Variants in CGB7 observed in about 807,000 individuals in gnomAD.
CGB7 encodes the protein choriogonadotropin subunit beta 7.
CGB7 carries 6 observed loss-of-function variants against 7.3 expected under a neutral mutation model. The observed-to-expected ratio is 0.82, with a 90% CI of 0.45 to 1.62. The LOEUF is 1.62. CGB7 is among the 40% of genes most tolerant of loss of function. The pLI is 0.01. For synonymous variants in CGB7, 47 were observed against 100.8 expected (o/e 0.47, Z 3.20); for missense variants, 114 against 236.2 (o/e 0.48, Z 3.39).
At position 49,057,597 on chromosome 19, in the gene CGB7, A is replaced by G; in HGVS notation, c.-1484T>C. 8.6e-7 allele frequency: 1 copy of G among 1,162,786 alleles called. No homozygotes were observed. Among genetic ancestry groups the G allele is most frequent in the Non-Finnish European group, 1.1e-6 (1 of 938,092 alleles). 72.0% of individuals were successfully genotyped at this position (1,162,786 alleles called of 1,614,324 possible). On this transcript the variant is annotated 5_prime_UTR_variant, in exon 1 of 5. Transcript: ENST00000684222. ...CTGGAGCTGAGCTGCATCTTGGGCA[A>G]CAACTCCAGGTTACCTCTCCTAACT... is the stretch of plus-strand genomic sequence containing the variant.
chr19:49,057,051 A>G, intron 2 of CGB7, 70 bp downstream of exon 2: 1 of 1,481,722 alleles, frequency 6.7e-7, no homozygotes, highest in Non-Finnish European at 9.1e-7. Flanking sequence ...GAGCCAGCCC[A>G]GGGGCTCGGC....
intron 2 of CGB7, 132 bp downstream of exon 2, chr19:49,056,989 G>A (rs913661970): frequency 1.0e-4 from 100 of 970,706 alleles, no homozygotes; most frequent in Non-Finnish European, 1.5e-4. Context: ...GGTCTGAACT[G>A]TGGTTGTTGC....
chr19:49,055,662 G>A lies in CGB7; in HGVS notation c.-287C>T. On this transcript the variant is annotated 5_prime_UTR_variant, in exon 3 of 5. Transcript: ENST00000684222. ...GTCGAGGCTGGAGGCACAGAGAGTA[G>A]GGTGTAGGAAGGCCTGCCTCTGCCT... The A allele has an allele frequency of 7.3e-7, 1 of 1,378,816 alleles. No homozygotes were observed. Among genetic ancestry groups the A allele is most frequent in the Non-Finnish European group, 9.4e-7 (1 of 1,063,798 alleles). 85.4% of individuals were successfully genotyped at this position (1,378,816 alleles called of 1,614,324 possible). A position where few individuals can be genotyped will look rare whatever the true frequency, so the allele number is the denominator to read the frequency against.
Position 49,055,535 on chromosome 19 carries a change from G to A in CGB7, c.-160C>T, listed in dbSNP as rs112497714. On this transcript the variant is annotated 5_prime_UTR_variant, in exon 3 of 5. Coordinates refer to ENST00000684222, the MANE Select transcript of CGB7 (RefSeq NM_001385261.1). ...CAGGGAGGCACAGGAGTGGCTCAGC[G>A]GAGCACCCCAGTCCTCTCCCCTCAG... The A allele has an allele frequency of 1.7e-5, 26 of 1,571,652 alleles. 1 individual carries two copies. Among genetic ancestry groups the A allele is most frequent in the Admixed American group, 1.2e-4 (7 of 57,120 alleles).
rs1242501133 is a variant in CGB7 at position 49,056,408 on chromosome 19, C to G, written c.-1033G>C. On this transcript the variant is annotated 5_prime_UTR_variant, in exon 3 of 5. Coordinates refer to ENST00000684222, the MANE Select transcript of CGB7 (RefSeq NM_001385261.1). ...CAGCGGGCGGAAGCGGTCGAGCCGG[C>G]GGAGCGGGTGCGGCGAGGAGCTGTA... 7.7e-7 allele frequency: 1 copy of G among 1,296,188 alleles called. No individual in the cohort carries two copies. Among genetic ancestry groups the G allele is most frequent in the Non-Finnish European group, 1.0e-6 (1 of 992,996 alleles). 80.3% of individuals were successfully genotyped at this position (1,296,188 alleles called of 1,614,324 possible).
At position 49,057,519 on chromosome 19, in the gene CGB7, C is replaced by T. The variant is rs2040081653; in HGVS notation, c.-1406G>A. On this transcript the variant is annotated 5_prime_UTR_variant, in exon 1 of 5. In the 5' UTR this introduces an upstream ATG that the reference lacks. Transcript: ENST00000684222. ...GAACTCAAATGCAGGCCCCCAGCCA[C>T]CACAAAATCCCCCTGGTTCTGCCCC... is the stretch of plus-strand genomic sequence containing the variant. 4.1e-6 allele frequency: 5 copies of T among 1,216,000 alleles called. No homozygotes were observed. The South Asian group carries it at 7.5e-5, about 18-fold the overall frequency. The allele number at this position is 1,216,000 out of a possible 1,614,324, so 75.3% of individuals were successfully genotyped here.
chr19:49,056,419 C>T lies in CGB7; in HGVS notation c.-1044G>A, dbSNP rs1196182624. Reference sequence around the variant, plus strand: ...AGCGGTCGAGCCGGCGGAGCGGGTGCGGCGAGGAGCTGTAGGTTTCCTGAG... The same window carrying T: ...AGCGGTCGAGCCGGCGGAGCGGGTGTGGCGAGGAGCTGTAGGTTTCCTGAG... On this transcript the variant is annotated 5_prime_UTR_variant, in exon 3 of 5. Transcript: ENST00000684222. 4 of 1,296,604 alleles carry T rather than the reference C, an allele frequency of 3.1e-6. No homozygotes were observed. Among genetic ancestry groups the T allele is most frequent in the Non-Finnish European group, 4.0e-6 (4 of 993,204 alleles). The allele number at this position is 1,296,604 out of a possible 1,614,324, so 80.3% of individuals were successfully genotyped here.
rs1187298893 is a variant in CGB7 at position 49,055,737 on chromosome 19, T to A, written c.-362A>T. On this transcript the variant is annotated 5_prime_UTR_variant, in exon 3 of 5. Coordinates refer to ENST00000684222, the MANE Select transcript of CGB7 (RefSeq NM_001385261.1). The stretch of plus-strand genomic sequence containing the variant: ...GGAGGCCGTGACCCGAGAAAGGTGC[T>A]GGACTGAAGCCTCAACCCTCCTCTA... 22 of 1,218,754 alleles carry A rather than the reference T, an allele frequency of 1.8e-5. No homozygotes were observed. Among genetic ancestry groups the A allele is most frequent in the Non-Finnish European group, 2.3e-5 (22 of 966,790 alleles). The allele number at this position is 1,218,754 out of a possible 1,614,324, so 75.5% of individuals were successfully genotyped here.
At chr19:49,057,392 A>T in intron 1 of CGB7, 70 bp downstream of exon 1, 1 of 1,406,250 alleles carries the variant, frequency 7.1e-7, no homozygotes, top group Non-Finnish European at 9.3e-7. Flanking sequence ...CCAGGGTCAG[A>T]GCCCTTCCTG....
At position 49,056,575 on chromosome 19, in the gene CGB7, G is replaced by C. The variant is rs1181612458; in HGVS notation, c.-1200C>G. 1.5e-6 allele frequency: 2 copies of C among 1,295,262 alleles called. No individual in the cohort carries two copies. The highest frequency in any genetic ancestry group is 2.0e-6 in the Non-Finnish European group (2 of 992,146). 80.2% of individuals were successfully genotyped at this position (1,295,262 alleles called of 1,614,324 possible). ...CCAGTAGGTCAGGTAGTCCTTGCGGGGGTATCCGGACGGCTCCGTCCTGTG... is the reference window on the plus strand; with the variant it reads ...CCAGTAGGTCAGGTAGTCCTTGCGGCGGTATCCGGACGGCTCCGTCCTGTG... On this transcript the variant is annotated 5_prime_UTR_variant, in exon 3 of 5. Coordinates refer to ENST00000684222, the MANE Select transcript of CGB7 (RefSeq NM_001385261.1).
At chr19:49,057,014 A>G in intron 2 of CGB7, 107 bp downstream of exon 2, 1 of 1,226,832 alleles carries the variant, frequency 8.2e-7, no homozygotes, top group African/African-American at 1.5e-5. Flanking sequence ...ATAGGAGTCG[A>G]GACTGAGACC....
Position 49,056,205 on chromosome 19 carries a change from G to A in CGB7, c.-830C>T. 2 of 1,279,264 alleles carry A rather than the reference G, an allele frequency of 1.6e-6. No individual in the cohort carries two copies. Among genetic ancestry groups the A allele is most frequent in the Non-Finnish European group, 2.0e-6 (2 of 983,006 alleles). The allele number at this position is 1,279,264 out of a possible 1,614,324, so 79.2% of individuals were successfully genotyped here. A position where few individuals can be genotyped will look rare whatever the true frequency, so the allele number is the denominator to read the frequency against. ...GTCCGACACCGCGTAGTGAGCGGCTGCCCAGAGCTCTGCTCCGCCCCCACG... is the reference window on the plus strand; with the variant it reads ...GTCCGACACCGCGTAGTGAGCGGCTACCCAGAGCTCTGCTCCGCCCCCACG... On this transcript the variant is annotated 5_prime_UTR_variant, in exon 3 of 5. It introduces an in-frame stop codon into an upstream open reading frame of the 5' UTR. Coordinates refer to ENST00000684222, the MANE Select transcript of CGB7 (RefSeq NM_001385261.1).
chr19:49,056,161 T>C lies in CGB7; in HGVS notation c.-786A>G. ...GTCCCCACACTGCGGATAGACTTAA[T>C]GAGTGCGAGCCCACCTAGGTCCGAC... On this transcript the variant is annotated 5_prime_UTR_variant, in exon 3 of 5. Coordinates refer to ENST00000684222, the MANE Select transcript of CGB7 (RefSeq NM_001385261.1). 2 of 1,240,970 alleles carry C rather than the reference T, an allele frequency of 1.6e-6. No homozygotes were observed. Among genetic ancestry groups the C allele is most frequent in the Non-Finnish European group, 2.1e-6 (2 of 963,132 alleles). 76.9% of individuals were successfully genotyped at this position (1,240,970 alleles called of 1,614,324 possible).
chr19:49,057,113 C>T lies in CGB7; in HGVS notation c.-1221+8G>A, dbSNP rs922539853. ...CAGGAGGCGGTGCCGAGCGAGAGCC[C>T]GGCTTACTTGGGATAGAACCGAAAG... On this transcript the variant is annotated splice_region_variant and intron_variant, in intron 2 of 4. Coordinates refer to ENST00000684222, the MANE Select transcript of CGB7 (RefSeq NM_001385261.1). 21 of 1,533,328 alleles carry T rather than the reference C, an allele frequency of 1.4e-5. No individual in the cohort carries two copies. The African/African-American group carries it at 2.7e-4, about 20-fold the overall frequency. 95.0% of individuals were successfully genotyped at this position (1,533,328 alleles called of 1,614,324 possible).
chr19:49,055,829 C>G lies in CGB7; in HGVS notation c.-454G>C. The G allele has an allele frequency of 9.2e-7, 1 of 1,089,604 alleles. No individual in the cohort carries two copies. The highest frequency in any genetic ancestry group is 1.1e-6 in the Non-Finnish European group (1 of 890,084). 67.5% of individuals were successfully genotyped at this position (1,089,604 alleles called of 1,614,324 possible). A position where few individuals can be genotyped will look rare whatever the true frequency, so the allele number is the denominator to read the frequency against. On this transcript the variant is annotated 5_prime_UTR_variant, in exon 3 of 5. Coordinates refer to ENST00000684222, the MANE Select transcript of CGB7 (RefSeq NM_001385261.1). ...GCGCGGCTTCGGACTTAGCTTCTGC[C>G]CAGTGAGAGAGGGTCTCCCCGTGAC...
chr19:49,056,207 C>G lies in CGB7; in HGVS notation c.-832G>C. Reference sequence around the variant, plus strand: ...CCGACACCGCGTAGTGAGCGGCTGCCCAGAGCTCTGCTCCGCCCCCACGCC... The same window carrying G: ...CCGACACCGCGTAGTGAGCGGCTGCGCAGAGCTCTGCTCCGCCCCCACGCC... On this transcript the variant is annotated 5_prime_UTR_variant, in exon 3 of 5. Transcript: ENST00000684222. 3 of 1,279,980 alleles carry G rather than the reference C, an allele frequency of 2.3e-6. No homozygotes were observed. Among genetic ancestry groups the G allele is most frequent in the Non-Finnish European group, 3.1e-6 (3 of 983,460 alleles). The allele number at this position is 1,279,980 out of a possible 1,614,324, so 79.3% of individuals were successfully genotyped here.
rs187452525 is a variant in CGB7, at chr19:49,054,276, C to A, written c.*15G>T. On this transcript the variant is annotated 3_prime_UTR_variant, in exon 5 of 5. Coordinates refer to ENST00000684222, the MANE Select transcript of CGB7 (RefSeq NM_001385261.1). The stretch of plus-strand genomic sequence containing the variant: ...CCCACAGAAAGACACCGCCAGAGTG[C>A]GGATTGAGAAGCCTTTATTGTGGGA... 2.5e-6 allele frequency: 4 copies of A among 1,606,156 alleles called. No homozygotes were observed. Among genetic ancestry groups the A allele is most frequent in the South Asian group, 1.1e-5 (1 of 89,618 alleles).
Position 49,056,331 on chromosome 19 carries a change from C to G in CGB7, c.-956G>C, listed in dbSNP as rs1164575419. 31 of 1,294,610 alleles carry G rather than the reference C, an allele frequency of 2.4e-5. No homozygotes were observed. The highest frequency in any genetic ancestry group is 2.9e-5 in the Non-Finnish European group (29 of 991,920). The allele number at this position is 1,294,610 out of a possible 1,614,324, so 80.2% of individuals were successfully genotyped here. A position where few individuals can be genotyped will look rare whatever the true frequency, so the allele number is the denominator to read the frequency against. On this transcript the variant is annotated 5_prime_UTR_variant, in exon 3 of 5. Coordinates refer to ENST00000684222, the MANE Select transcript of CGB7 (RefSeq NM_001385261.1). ...TTCTCGGTGCTGTAGGCTTTCGGGA[C>G]GCTGTGTATGCCCGGCAGGGGCTTC...
Position 49,057,601 on chromosome 19 carries a change from C to T in CGB7, c.-1488G>A. The T allele has an allele frequency of 8.5e-7, 1 of 1,170,006 alleles. No individual in the cohort carries two copies. Among genetic ancestry groups the T allele is most frequent in the Non-Finnish European group, 1.1e-6 (1 of 942,530 alleles). The allele number at this position is 1,170,006 out of a possible 1,614,324, so 72.5% of individuals were successfully genotyped here. On this transcript the variant is annotated 5_prime_UTR_variant, in exon 1 of 5. Transcript: ENST00000684222. ...AGCTGAGCTGCATCTTGGGCAACAACTCCAGGTTACCTCTCCTAACTCCCA... is the reference window on the plus strand; with the variant it reads ...AGCTGAGCTGCATCTTGGGCAACAATTCCAGGTTACCTCTCCTAACTCCCA...
Sources: allele counts gnomAD v4.1 joint callset, GRCh38; gene constraint gnomAD v4.1.1; transcripts MANE v1.5; gene names NCBI Gene and HGNC (gene_info 2026-07-23, HGNC 2026-07-21).